Variants in MARCO observed in about 807,000 individuals in gnomAD.
The protein encoded by MARCO is macrophage receptor MARCO.
Under a neutral mutation model 70.0 loss-of-function variants are expected in MARCO, and 72 were observed. The ratio of observed to expected loss-of-function variants is 1.03; its 90% CI spans 0.85 to 1.25. MARCO has a LOEUF of 1.25. Among genes scored for constraint, MARCO ranks in the 50% most tolerant of loss-of-function variants. The pLI is 0.00. For synonymous variants in MARCO, 273 were observed against 243.1 expected (o/e 1.12, Z -1.14); for missense variants, 696 against 659.3 (o/e 1.06, Z -0.61).
chr2:118,974,208 A>G (rs2104584390), intron 4 of MARCO, 125 bp from the exon 5 acceptor site: 2 of 688,224 alleles, frequency 2.9e-6, no homozygotes, highest in East Asian at 2.7e-5. Flanking sequence ...CCTTCTTTCC[A>G]CACAGTTGGC....
At chr2:118,970,032 G>T in intron 2 of MARCO, 82 bp from the exon 3 acceptor site, 2 of 1,212,788 alleles carry the variant, frequency 1.6e-6, no homozygotes, top group Non-Finnish European at 2.4e-6. Context: ...GCCTGTAGAA[G>T]TTATGCACAC....
chr2:118,947,004 T>C (rs1679613194), intron 1 of MARCO, among the ~76,000 whole-genome samples: 2 of 152,194 alleles, frequency 1.3e-5, no homozygotes, highest in Admixed American at 6.5e-5. Context: ...CATGTTTTAA[T>C]TGGATCTTTT....
intron 12 of MARCO, among the ~76,000 whole-genome samples, chr2:118,985,091 C>A (rs1342354815): frequency 1.3e-5 from 2 of 152,072 alleles, no homozygotes; most frequent in Non-Finnish European, 2.9e-5. Flanking sequence ...GGTCTTGACT[C>A]CCATGATCAC....
At chr2:118,993,381 A>C (rs1290295398) in intron 16 of MARCO, 81 bp downstream of exon 16, 3 of 1,407,378 alleles carry the variant, frequency 2.1e-6, no homozygotes, top group Non-Finnish European at 3.0e-6. Flanking sequence ...TTGGCAAGTG[A>C]CTCAGTGTGG....
intron 12 of MARCO, among the ~76,000 whole-genome samples, chr2:118,989,089 C>T: frequency 6.6e-6 from 1 of 152,182 alleles, no homozygotes; most frequent in East Asian, 1.9e-4. Flanking sequence ...ACTTTGGAAC[C>T]ACTTTGCTTT....
At position 118,982,545 on chromosome 2, in the gene MARCO, T is replaced by C. The variant is rs924341329; in HGVS notation, c.1063+135T>C. The C allele has an allele frequency of 3.4e-5, 28 of 820,492 alleles. No homozygotes were observed. The Admixed American group carries it at 4.8e-4, about 14-fold the overall frequency. 50.8% of individuals were successfully genotyped at this position (820,492 alleles called of 1,614,324 possible). A position where few individuals can be genotyped will look rare whatever the true frequency, so the allele number is the denominator to read the frequency against. On this transcript the variant is annotated intron_variant, in intron 12 of 16. Transcript: ENST00000327097. ...CCTTGGCCTCTGAGGTTCCTGGTTA[T>C]GGGGGCAGTTGCCCCTGCCAGGACC...
chr2:118,947,527 T>A (rs1210872069), intron 1 of MARCO, among the ~76,000 whole-genome samples: 2 of 152,138 alleles, frequency 1.3e-5, no homozygotes, highest in Non-Finnish European at 1.5e-5. Context: ...TAGGCCAAGG[T>A]TTTCATATGT....
intron 1 of MARCO, among the ~76,000 whole-genome samples, chr2:118,959,305 A>T (rs546273613): frequency 1.3e-4 from 20 of 151,682 alleles, no homozygotes; most frequent in South Asian, 6.2e-4. Flanking sequence ...AAAAAATTCC[A>T]TCAAAAAGTG....
At chr2:118,954,403 G>A (rs1207783803) in intron 1 of MARCO, among the ~76,000 whole-genome samples, 1 of 152,170 alleles carries the variant, frequency 6.6e-6, no homozygotes, top group Non-Finnish European at 1.5e-5. Flanking sequence ...CCCCACGGCA[G>A]CTGCAGCAAG....
intron 1 of MARCO, among the ~76,000 whole-genome samples, chr2:118,957,455 T>G (rs977657942): frequency 2.0e-5 from 3 of 152,038 alleles, no homozygotes; most frequent in African/African-American, 7.2e-5. Context: ...TTAGATACCC[T>G]GAACAGACCA....
At chr2:118,971,345 G>A (rs1573392361) in intron 3 of MARCO, among the ~76,000 whole-genome samples, 154 bp from the exon 4 acceptor site, 1 of 152,150 alleles carries the variant, frequency 6.6e-6, no homozygotes, top group African/African-American at 2.4e-5. Flanking sequence ...AAACAGCCAG[G>A]TGCTTGGCTC....
intron 1 of MARCO, among the ~76,000 whole-genome samples, chr2:118,944,537 G>A (rs1384184878): frequency 3.3e-5 from 5 of 151,882 alleles, no homozygotes; most frequent in African/African-American, 1.2e-4. Flanking sequence ...TCCCACATAT[G>A]GTTCATGAAA....
At chr2:118,973,182 C>A (rs1680207388) in intron 4 of MARCO, among the ~76,000 whole-genome samples, 1 of 151,264 alleles carries the variant, frequency 6.6e-6, no homozygotes. Context: ...GATGTATGTA[C>A]ACAGAGAAAA....
At chr2:118,950,782 T>C (rs535442755) in intron 1 of MARCO, among the ~76,000 whole-genome samples, 41 of 149,020 alleles carry the variant, frequency 2.8e-4, no homozygotes, top group Non-Finnish European at 4.9e-4. Context: ...CCTTTTTACA[T>C]AAATTCTCCC....
At chr2:118,974,491 G>C (rs1177751462) in intron 5 of MARCO, 30 bp from the exon 6 acceptor site, 1 of 1,613,664 alleles carries the variant, frequency 6.2e-7, no homozygotes, top group Admixed American at 1.7e-5. Flanking sequence ...TCCTTCTCTG[G>C]CTTCACTCTG....
chr2:118,943,283 C>T (rs1219124696), intron 1 of MARCO, among the ~76,000 whole-genome samples: 2 of 152,198 alleles, frequency 1.3e-5, no homozygotes, highest in African/African-American at 2.4e-5. Context: ...TAGGAATTTA[C>T]AGTGTAATAA....
intron 3 of MARCO, among the ~76,000 whole-genome samples, chr2:118,970,767 G>C (rs1469632631): frequency 6.6e-6 from 1 of 152,220 alleles, no homozygotes; most frequent in Non-Finnish European, 1.5e-5. Flanking sequence ...CCTTCCCTCG[G>C]TGCTCTCAGG....
At chr2:118,990,713 A>T in intron 13 of MARCO, 80 bp downstream of exon 13, 1 of 1,370,806 alleles carries the variant, frequency 7.3e-7, no homozygotes, top group Non-Finnish European at 1.0e-6. Context: ...TCTTGTTGAC[A>T]TTGAATGCAC....
At chr2:118,983,248 C>T (rs1204332008) in intron 12 of MARCO, among the ~76,000 whole-genome samples, 1 of 152,202 alleles carries the variant, frequency 6.6e-6, no homozygotes, top group African/African-American at 2.4e-5. Flanking sequence ...AGTCTGCCTC[C>T]ACCCCTGTCC....
Sources: gnomAD v4.1 joint callset for allele counts (sites outside exome capture counted in the v4.1 genomes callset) on GRCh38, gnomAD v4.1.1 for gene constraint, MANE v1.5 for transcripts, NCBI Gene and HGNC (gene_info 2026-07-23, HGNC 2026-07-21) for gene names.